KCNN3: variants seen among roughly 807,000 people sequenced by gnomAD.
The protein encoded by KCNN3 is potassium calcium-activated channel subfamily N member 3.
Under a neutral mutation model 62.9 loss-of-function variants are expected in KCNN3, and 16 were observed. The ratio of observed to expected loss-of-function variants is 0.25; its 90% confidence interval spans 0.17 to 0.39. KCNN3 has a LOEUF of 0.39. Ranked by LOEUF, KCNN3 falls within the 10% of genes least tolerant of loss-of-function variation. The pLI is 1.00. For missense variants in KCNN3, 599 were observed against 949.4 expected (o/e 0.63, Z 4.85); for synonymous variants, 370 against 389.2 (o/e 0.95, Z 0.58).
intron 1 of KCNN3, 122 bp downstream of exon 1, chr1:154,868,910 C>A (rs1653060489): frequency 1.1e-6 from 1 of 876,414 alleles, no homozygotes; most frequent in Non-Finnish European, 1.8e-6. Flanking sequence ...ATCTCTCTCT[C>A]TCTCTCTCTC....
At chr1:154,859,918 C>A (rs1165145406) in intron 1 of KCNN3, 1 of 1,176,126 alleles carries the variant, frequency 8.5e-7, no homozygotes, top group Admixed American at 2.3e-5. Context: ...TAACAGATGC[C>A]AATTTGCATA....
At chr1:154,847,834 G>A (rs189450037) in intron 1 of KCNN3, among the ~76,000 whole-genome samples, 1 of 152,304 alleles carries the variant, frequency 6.6e-6, no homozygotes, top group East Asian at 1.9e-4. Flanking sequence ...TGCCCTTACA[G>A]CCACCCGTGG....
At chr1:154,721,608 C>T (rs1256250493) in intron 5 of KCNN3, among the ~76,000 whole-genome samples, 2 of 152,046 alleles carry the variant, frequency 1.3e-5, no homozygotes, top group African/African-American at 4.8e-5. Flanking sequence ...GCCCACTCTA[C>T]CTCTTATAAG....
At position 154,811,767 on chromosome 1, in the gene KCNN3, T is replaced by C. The variant is rs116129818; in HGVS notation, c.1029+10322A>G. Among the ~76,000 whole-genome samples the C allele has an allele frequency of 2.2e-3, 329 of 152,312 alleles. 1 individual carries two copies. The highest frequency in any genetic ancestry group is 3.4e-3 in the Middle Eastern group (1 of 294). ...ACTAGATTTGTACTCAACAGGAAACTAGAATTATCAGAATTTTCTTGATAG... is the reference window on the plus strand; with the variant it reads ...ACTAGATTTGTACTCAACAGGAAACCAGAATTATCAGAATTTTCTTGATAG... On this transcript the variant is annotated intron_variant, in intron 2 of 7. Transcript: ENST00000271915.
At chr1:154,858,437 A>G (rs1406495473) in intron 1 of KCNN3, among the ~76,000 whole-genome samples, 1 of 152,260 alleles carries the variant, frequency 6.6e-6, no homozygotes, top group Non-Finnish European at 1.5e-5. Flanking sequence ...AAGGCCACAC[A>G]GCCAAATAGC....
intron 1 of KCNN3, among the ~76,000 whole-genome samples, chr1:154,844,722 G>A (rs115925330): frequency 0.022 from 3,293 of 152,300 alleles, 68 homozygotes; most frequent in Non-Finnish European, 0.033. Context: ...AGGAAACTAG[G>A]GGGCCAGTTG....
chr1:154,779,506 C>T (rs192388250), intron 2 of KCNN3, among the ~76,000 whole-genome samples: 233 of 152,304 alleles, frequency 1.5e-3, no homozygotes, highest in Non-Finnish European at 2.8e-3. Flanking sequence ...CCCACTCTCC[C>T]CATGGACACA....
intron 4 of KCNN3, among the ~76,000 whole-genome samples, chr1:154,727,660 C>T (rs1269105991): frequency 5.3e-5 from 8 of 152,282 alleles, no homozygotes; most frequent in African/African-American, 1.7e-4. Context: ...CTCTTTTGTT[C>T]GAGGACGGCT....
intron 5 of KCNN3, among the ~76,000 whole-genome samples, chr1:154,717,449 G>T (rs138099954): frequency 6.6e-6 from 1 of 152,134 alleles, no homozygotes; most frequent in African/African-American, 2.4e-5. Flanking sequence ...CAAAACAAGA[G>T]CCACGTCCAG....
At chr1:154,748,388 G>A (rs761235267) in intron 3 of KCNN3, among the ~76,000 whole-genome samples, 2 of 152,122 alleles carry the variant, frequency 1.3e-5, no homozygotes, top group Non-Finnish European at 2.9e-5. Context: ...ACAGTTCATC[G>A]TTTTTTATAT....
chr1:154,809,787 G>A lies in KCNN3; in HGVS notation c.1029+12302C>T, dbSNP rs948815061. ...TTAGGAAGGATGGGAGATTGAGGGG[G>A]CAGAGGGTGGGGAGCTGCTTAGCAG... is the stretch of plus-strand genomic sequence containing the variant. On this transcript the variant is annotated intron_variant, in intron 2 of 7. Coordinates refer to ENST00000271915, the MANE Select transcript of KCNN3 (RefSeq NM_002249.6). This position sits in a 1 kb window ranked among gnomAD's most constrained non-coding sequence, Gnocchi z 4.3. 6.6e-6 allele frequency among the ~76,000 whole-genome samples: 1 copy of A among 152,242 alleles called. No individual in the cohort carries two copies. The highest frequency in any genetic ancestry group is 1.5e-5 in the Non-Finnish European group (1 of 68,040).
At chr1:154,785,964 C>T (rs967569045) in intron 2 of KCNN3, among the ~76,000 whole-genome samples, 1 of 152,164 alleles carries the variant, frequency 6.6e-6, no homozygotes, top group Non-Finnish European at 1.5e-5. Flanking sequence ...GAAAAGTGAA[C>T]ATCCCCCAGA....
intron 4 of KCNN3, among the ~76,000 whole-genome samples, chr1:154,727,185 C>T (rs187776427): frequency 6.6e-5 from 10 of 152,330 alleles, no homozygotes; most frequent in African/African-American, 2.4e-4. Flanking sequence ...GCCCTGACCA[C>T]CACTCATGGA....
At position 154,869,515 on chromosome 1, in the gene KCNN3, G is replaced by T. The variant is rs775203978; in HGVS notation, c.450C>A (p.Gly150=). ...TGGCCTGTCGGTGCCGGCTGCCTCC[G>T]CCAGGCCCACTTGTAGCTGTGGAAC... ...SPSSTATSGP[G]GGSRHRQASP... Residue 150 remains glycine (G), a synonymous_variant, in exon 1 of 8, where the codon GGC becomes GGA. Transcript: ENST00000271915. The surrounding 1 kb of genome is among the most constrained non-coding windows in gnomAD (Gnocchi z 6.1). 6.2e-7 allele frequency: 1 copy of T among 1,613,916 alleles called. No individual in the cohort carries two copies. The highest frequency in any genetic ancestry group is 8.5e-7 in the Non-Finnish European group (1 of 1,180,016).
At chr1:154,708,855 G>A (rs778281784) in intron 7 of KCNN3, among the ~76,000 whole-genome samples, 4 of 152,164 alleles carry the variant, frequency 2.6e-5, no homozygotes, top group Non-Finnish European at 5.9e-5. Flanking sequence ...AGGATGTAAA[G>A]TGAATTAACT....
At chr1:154,747,451 G>T (rs1381870133) in intron 3 of KCNN3, among the ~76,000 whole-genome samples, 1 of 152,156 alleles carries the variant, frequency 6.6e-6, no homozygotes, top group Non-Finnish European at 1.5e-5. Flanking sequence ...CAGACAAACA[G>T]TCTCTCTGGG....
rs951274063 is a variant in KCNN3, at chr1:154,754,121, T to A, written c.1448+17854A>T. Among the ~76,000 whole-genome samples, 3 of 152,302 alleles carry A rather than the reference T, an allele frequency of 2.0e-5. No individual in the cohort carries two copies. In the South Asian group the frequency reaches 6.2e-4, roughly 32 times the overall value. Reference sequence around the variant, plus strand: ...TTATCATGGGTTGACTGGAATTGCATGATGGAGGGCCTTGGTCACTAAATT... The same window carrying A: ...TTATCATGGGTTGACTGGAATTGCAAGATGGAGGGCCTTGGTCACTAAATT... On this transcript the variant is annotated intron_variant, in intron 3 of 7. Coordinates refer to ENST00000271915, the MANE Select transcript of KCNN3 (RefSeq NM_002249.6).
chr1:154,797,274 T>C (rs72700262), intron 2 of KCNN3, among the ~76,000 whole-genome samples: 3,214 of 152,306 alleles, frequency 0.021, 54 homozygotes, highest in South Asian at 0.037. Flanking sequence ...TAATCAAGGA[T>C]GGTGGAAAAA....
chr1:154,778,611 C>CTTTTTTTTTTTTT (rs11459390), intron 2 of KCNN3, among the ~76,000 whole-genome samples: 1 of 73,602 alleles, frequency 1.4e-5, no homozygotes, highest in Non-Finnish European at 2.5e-5. Flanking sequence ...CTCTCTGTCT[C>CTTTTTTTTTTTTT]TTTTTTTTTT....
Sources: allele counts gnomAD v4.1 joint callset (sites outside exome capture counted in the v4.1 genomes callset), GRCh38; gene constraint gnomAD v4.1.1; non-coding constraint Gnocchi (gnomAD v3.1); transcripts MANE v1.5; gene names NCBI Gene and HGNC (gene_info 2026-07-23, HGNC 2026-07-21).